The following SFT2D2 variants were observed in gnomAD, a reference collection of about 807,000 sequenced individuals.
SFT2D2 encodes SFT2 domain containing 2.
A neutral mutation model predicts 27.4 loss-of-function variants in SFT2D2; 21 were observed. The ratio of observed to expected loss-of-function variants is 0.77; its 90% CI spans 0.54 to 1.10. The LOEUF (loss-of-function observed/expected upper bound fraction) is 1.10. Among genes scored for constraint, SFT2D2 ranks in the 50% least tolerant of loss-of-function variants. The pLI is 0.00. For synonymous variants in SFT2D2, 72 were observed against 71.7 expected (o/e 1.00, Z -0.02); for missense variants, 187 against 194.2 (o/e 0.96, Z 0.22).
rs572623673 is a variant in SFT2D2 at position 168,247,998 on chromosome 1, C to T, written c.*5458C>T. ...CTTCTTTTGAGAAGTGTCTATCCTTCGCCCACTTTTCGATGGGGTTGTTTT... is the reference window on the plus strand; with the variant it reads ...CTTCTTTTGAGAAGTGTCTATCCTTTGCCCACTTTTCGATGGGGTTGTTTT... On this transcript the variant is annotated 3_prime_UTR_variant, in exon 8 of 8. Coordinates refer to ENST00000271375, the MANE Select transcript of SFT2D2 (RefSeq NM_199344.3). 14 of 152,148 alleles carry T rather than the reference C, an allele frequency of 9.2e-5. 1 individual carries two copies. The highest frequency in any genetic ancestry group is 3.3e-4 in the Admixed American group (5 of 15,266). The allele number at this position is 152,148 out of a possible 1,614,324, so 9.4% of individuals were successfully genotyped here.
chr1:168,236,830 A>G (rs904144509), intron 6 of SFT2D2, 60 bp downstream of exon 6: 12 of 1,550,548 alleles, frequency 7.7e-6, no homozygotes, highest in Non-Finnish European at 1.1e-5. Flanking sequence ...TAGCCAAAGG[A>G]GATAAAACTC....
At chr1:168,242,168 C>T (rs906111622) in intron 7 of SFT2D2, among the ~76,000 whole-genome samples, 6 of 152,060 alleles carry the variant, frequency 3.9e-5, no homozygotes, top group South Asian at 2.1e-4. Flanking sequence ...TGATTTTGAC[C>T]GATATTAAAG....
chr1:168,232,907 G>A (rs1647365863), intron 3 of SFT2D2, among the ~76,000 whole-genome samples: 1 of 152,214 alleles, frequency 6.6e-6, no homozygotes, highest in Non-Finnish European at 1.5e-5. Flanking sequence ...GCTTTGGCCT[G>A]TTATCACCCT....
At chr1:168,241,926 T>C (rs1028694102) in intron 7 of SFT2D2, among the ~76,000 whole-genome samples, 1 of 152,162 alleles carries the variant, frequency 6.6e-6, no homozygotes, top group African/African-American at 2.4e-5. Context: ...CATTGCACAG[T>C]GTGGTGTGGT....
At chr1:168,232,951 G>C (rs1647367681) in intron 3 of SFT2D2, among the ~76,000 whole-genome samples, 1 of 152,172 alleles carries the variant, frequency 6.6e-6, no homozygotes, top group Admixed American at 6.5e-5. Context: ...TGGTCTCTCT[G>C]TCTCCTCCAT....
rs1647933934 is a variant in SFT2D2 at position 168,250,775 on chromosome 1, T to C, written c.*8235T>C. 1 of 152,228 alleles carries C rather than the reference T, an allele frequency of 6.6e-6. No individual in the cohort carries two copies. The highest frequency in any genetic ancestry group is 1.5e-5 in the Non-Finnish European group (1 of 68,082). 9.4% of individuals were successfully genotyped at this position (152,228 alleles called of 1,614,324 possible). A position where few individuals can be genotyped will look rare whatever the true frequency, so the allele number is the denominator to read the frequency against. ...AAAGGGCTCAAACGGAGCCTTCAGT[T>C]CTGCTCCTCTGCATAGCCGTAGCTC... is the stretch of plus-strand genomic sequence containing the variant. On this transcript the variant is annotated 3_prime_UTR_variant, in exon 8 of 8. Transcript: ENST00000271375.
Position 168,230,041 on chromosome 1 carries a change from A to G in SFT2D2, c.64-1473A>G, listed in dbSNP as rs1700497353. On this transcript the variant is annotated intron_variant, in intron 1 of 7. Coordinates refer to ENST00000271375, the MANE Select transcript of SFT2D2 (RefSeq NM_199344.3). The stretch of plus-strand genomic sequence containing the variant: ...AGCCCAGTTCCATATATATGAATGT[A>G]TAACCTGACCTAAATACCTTTCTCC... Among the ~76,000 whole-genome samples, 3 of 152,172 alleles carry G rather than the reference A, an allele frequency of 2.0e-5. No homozygotes were observed. In the South Asian group the frequency reaches 6.2e-4, roughly 31 times the overall value.
Position 168,250,023 on chromosome 1 carries a change from C to T in SFT2D2, c.*7483C>T, listed in dbSNP as rs1647914814. On this transcript the variant is annotated 3_prime_UTR_variant, in exon 8 of 8. Transcript: ENST00000271375. ...GCCCAGTGAATGGTATTGCCTCCAT[C>T]CTCTGAGAAGGTAAAGAGCCTATCC... The T allele has an allele frequency of 6.6e-6, 1 of 152,172 alleles. No homozygotes were observed. Among genetic ancestry groups the T allele is most frequent in the Admixed American group, 6.5e-5 (1 of 15,278 alleles). 9.4% of individuals were successfully genotyped at this position (152,172 alleles called of 1,614,324 possible).
At position 168,247,953 on chromosome 1, in the gene SFT2D2, T is replaced by C. The variant is rs1167974983; in HGVS notation, c.*5413T>C. On this transcript the variant is annotated 3_prime_UTR_variant, in exon 8 of 8. Coordinates refer to ENST00000271375, the MANE Select transcript of SFT2D2 (RefSeq NM_199344.3). The stretch of plus-strand genomic sequence containing the variant: ...GTGATGATGAGCATTTTTTCATATG[T>C]TTGTTGGCTGCATAAATATCTTCTT... 6.6e-6 allele frequency: 1 copy of C among 152,254 alleles called. No individual in the cohort carries two copies. Among genetic ancestry groups the C allele is most frequent in the Admixed American group, 6.5e-5 (1 of 15,288 alleles). 9.4% of individuals were successfully genotyped at this position (152,254 alleles called of 1,614,324 possible). A position where few individuals can be genotyped will look rare whatever the true frequency, so the allele number is the denominator to read the frequency against.
At chr1:168,240,445 T>TGGC (rs1157206216) in intron 7 of SFT2D2, among the ~76,000 whole-genome samples, 16 of 152,064 alleles carry the variant, frequency 1.1e-4, no homozygotes, top group South Asian at 6.2e-4. Context: ...CTGAGAAGAA[T>TGGC]ATGGGCAGGG....
chr1:168,231,991 G>A (rs1329330112), intron 3 of SFT2D2, 72 bp downstream of exon 3: 2 of 1,255,146 alleles, frequency 1.6e-6, no homozygotes, highest in Non-Finnish European at 2.3e-6. Context: ...GCCCTTGAGG[G>A]AGGTGAAAGA....
rs1647351215 is a variant in SFT2D2 at position 168,232,425 on chromosome 1, CA to C, written c.236+507del. On this transcript the variant is annotated intron_variant, in intron 3 of 7. Coordinates refer to ENST00000271375, the MANE Select transcript of SFT2D2 (RefSeq NM_199344.3). Reference sequence around the variant, plus strand: ...ACATTTTCCAGGTCAAGCTCATTCACACTGATGCTTCAGTCACACTGGTGCC... The same window carrying C: ...ACATTTTCCAGGTCAAGCTCATTCACCTGATGCTTCAGTCACACTGGTGCC... Among the ~76,000 whole-genome samples the C allele has an allele frequency of 3.3e-5, 5 of 152,366 alleles. No individual in the cohort carries two copies. In the South Asian group the frequency reaches 1.0e-3, roughly 32 times the overall value.
chr1:168,239,599 A>AC (rs948748699), intron 7 of SFT2D2, among the ~76,000 whole-genome samples: 43 of 152,026 alleles, frequency 2.8e-4, no homozygotes, highest in African/African-American at 1.0e-3. Flanking sequence ...AGTAAGCAGT[A>AC]CCAGGGCTTC....
intron 1 of SFT2D2, chr1:168,229,817 TTGTC>T (rs1206277474): frequency 6.6e-6 from 1 of 152,148 alleles, no homozygotes; most frequent in East Asian, 1.9e-4. Context: ...CCTGACTAGA[TTGTC>T]TGGGGCCTTG....
rs1204432630 is a variant in SFT2D2, at chr1:168,249,097, T to TA, written c.*6558dup. On this transcript the variant is annotated 3_prime_UTR_variant, in exon 8 of 8. Transcript: ENST00000271375. ...ATCTCCTTCAGTCCTGCTCTAATCT[T>TA]AGTTATTTCTTGTCTTCTGCTAGCT... 6.6e-6 allele frequency: 1 copy of TA among 152,214 alleles called. No homozygotes were observed. Among genetic ancestry groups the TA allele is most frequent in the Non-Finnish European group, 1.5e-5 (1 of 68,054 alleles). 9.4% of individuals were successfully genotyped at this position (152,214 alleles called of 1,614,324 possible).
At chr1:168,240,703 G>C (rs1247340658) in intron 7 of SFT2D2, among the ~76,000 whole-genome samples, 1 of 152,080 alleles carries the variant, frequency 6.6e-6, no homozygotes, top group Non-Finnish European at 1.5e-5. Flanking sequence ...CACGAGGTCA[G>C]GAGTTCAAGA....
rs2102338206 is a variant in SFT2D2 at position 168,250,760 on chromosome 1, A to G, written c.*8220A>G. On this transcript the variant is annotated 3_prime_UTR_variant, in exon 8 of 8. Coordinates refer to ENST00000271375, the MANE Select transcript of SFT2D2 (RefSeq NM_199344.3). The stretch of plus-strand genomic sequence containing the variant: ...CATCCCCTTTTGCAGAAAGGGCTCA[A>G]ACGGAGCCTTCAGTTCTGCTCCTCT... 1 of 152,290 alleles carries G rather than the reference A, an allele frequency of 6.6e-6. No individual in the cohort carries two copies. Among genetic ancestry groups the G allele is most frequent in the Non-Finnish European group, 1.5e-5 (1 of 68,070 alleles). The allele number at this position is 152,290 out of a possible 1,614,324, so 9.4% of individuals were successfully genotyped here. A position where few individuals can be genotyped will look rare whatever the true frequency, so the allele number is the denominator to read the frequency against.
At chr1:168,236,873 A>T in intron 6 of SFT2D2, 103 bp downstream of exon 6, 1 of 1,319,354 alleles carries the variant, frequency 7.6e-7, no homozygotes, top group Non-Finnish European at 1.1e-6. Flanking sequence ...AAGAAAACAC[A>T]GAAGCTGTTT....
At chr1:168,239,457 G>GT (rs34187475) in intron 7 of SFT2D2, among the ~76,000 whole-genome samples, 4,104 of 129,470 alleles carry the variant, frequency 0.032, 91 homozygotes, top group African/African-American at 0.054. Context: ...TTTGAGTAGG[G>GT]TTTTTTTTTT....
Sources: gnomAD v4.1 joint callset for allele counts (sites outside exome capture counted in the v4.1 genomes callset) on GRCh38, gnomAD v4.1.1 for gene constraint, MANE v1.5 for transcripts, NCBI Gene and HGNC (gene_info 2026-07-23, HGNC 2026-07-21) for gene names.